C22orf39: variants seen among roughly 807,000 people sequenced by gnomAD.
C22orf39 encodes the protein chromosome 22 open reading frame 39.
A neutral mutation model predicts 18.3 loss-of-function variants in C22orf39; 20 were observed. The observed-to-expected ratio is 1.09, with a 90% confidence interval of 0.77 to 1.59. The LOEUF is 1.59. Ranked by LOEUF, C22orf39 falls within the 40% of genes most tolerant of loss-of-function variation. C22orf39 has a pLI of 0.00. For synonymous variants in C22orf39, 63 were observed against 59.6 expected, an observed-to-expected ratio of 1.06 and a Z score of -0.26; for missense variants, 195 against 156.1, an observed-to-expected ratio of 1.25 and a Z score of -1.33.
At chr22:19,445,662 C>T (rs1008911182) in intron 2 of C22orf39, among the ~76,000 whole-genome samples, 1 of 152,044 alleles carries the variant, frequency 6.6e-6, no homozygotes, top group African/African-American at 2.4e-5. Flanking sequence ...TACCTGACAC[C>T]TGGCCATTTG....
rs2089624991 is a variant in C22orf39 at position 19,443,610 on chromosome 22, A to G, written c.*655T>C. 1 of 985,246 alleles carries G rather than the reference A, an allele frequency of 1.0e-6. No individual in the cohort carries two copies. The highest frequency in any genetic ancestry group is 1.7e-5 in the African/African-American group (1 of 57,180). The allele number at this position is 985,246 out of a possible 1,614,324, so 61.0% of individuals were successfully genotyped here. ...TGGATTTCTTCAGCTGAGTCCACAA[A>G]CCCTCTTTATGCAAGGTTGTGTGTT... On this transcript the variant is annotated 3_prime_UTR_variant, in exon 3 of 3. Coordinates refer to ENST00000399562, the MANE Select transcript of C22orf39 (RefSeq NM_173793.5).
chr22:19,445,357 T>C (rs2089634305), intron 2 of C22orf39, among the ~76,000 whole-genome samples: 1 of 152,246 alleles, frequency 6.6e-6, no homozygotes, highest in South Asian at 2.1e-4. Flanking sequence ...GGCTATCTGG[T>C]ATTTCACTTT....
Position 19,443,076 on chromosome 22 carries a change from A to T in C22orf39, c.*1189T>A. On this transcript the variant is annotated 3_prime_UTR_variant, in exon 3 of 3. Transcript: ENST00000399562. ...CTCCTGCTCTTGGGATCCCGTGAGC[A>T]CAACCCCCACCCCCACCCCCACTGT... 5 of 554,130 alleles carry T rather than the reference A, an allele frequency of 9.0e-6. No homozygotes were observed. Among genetic ancestry groups the T allele is most frequent in the Non-Finnish European group, 1.1e-5 (5 of 437,428 alleles). The allele number at this position is 554,130 out of a possible 1,614,324, so 34.3% of individuals were successfully genotyped here.
rs754208921 is a variant in C22orf39 at position 19,447,698 on chromosome 22, A to G, written c.-10T>C. ...CGCTGCCGTCCGCCATGTCTGGGCG[A>G]CCGGCGCGCCAAGCCCGCCCCTCAG... On this transcript the variant is annotated 5_prime_UTR_variant, in exon 1 of 3. Coordinates refer to ENST00000399562, the MANE Select transcript of C22orf39 (RefSeq NM_173793.5). The G allele has an allele frequency of 6.2e-7, 1 of 1,608,358 alleles. No homozygotes were observed. The highest frequency in any genetic ancestry group is 1.1e-5 in the South Asian group (1 of 90,244).
Position 19,443,794 on chromosome 22 carries a change from GCA to G in C22orf39, c.*469_*470del, listed in dbSNP as rs1021720578. ...ACTGAGCGAGTGGAGCAGAGTGTGAGCACTCACAATGCTCACCAAACCTGGGA... is the reference window on the plus strand; with the variant it reads ...ACTGAGCGAGTGGAGCAGAGTGTGAGCTCACAATGCTCACCAAACCTGGGA... On this transcript the variant is annotated 3_prime_UTR_variant, in exon 3 of 3. Transcript: ENST00000399562. 4 of 984,882 alleles carry G rather than the reference GCA, an allele frequency of 4.1e-6. No individual in the cohort carries two copies. In the African/African-American group the frequency reaches 7.0e-5, roughly 17 times the overall value. 61.0% of individuals were successfully genotyped at this position (984,882 alleles called of 1,614,324 possible).
rs756648 is a variant in C22orf39, at chr22:19,443,962, G to A, written c.*303C>T. On this transcript the variant is annotated 3_prime_UTR_variant, in exon 3 of 3. Coordinates refer to ENST00000399562, the MANE Select transcript of C22orf39 (RefSeq NM_173793.5). ...CCTGAGAAGCCTAGACCTCAGGACC[G>A]CCATCTCCTATGCTACCATGCCCAG... 0.71 allele frequency: 796,008 copies of A among 1,113,332 alleles called. 286,475 individuals carry two copies. Among genetic ancestry groups the A allele is most frequent in the Non-Finnish European group, 0.73 (666,609 of 912,458 alleles). The allele number at this position is 1,113,332 out of a possible 1,614,324, so 69.0% of individuals were successfully genotyped here.
Position 19,447,405 on chromosome 22 carries a change from C to G in C22orf39, c.165G>C (p.Trp55Cys), listed in dbSNP as rs1311462134. The change falls in exon 2 of 3, where the codon TGG becomes TGC. Residue 55 changes from tryptophan (W) to cysteine (C), a missense_variant. Coordinates refer to ENST00000399562, the MANE Select transcript of C22orf39 (RefSeq NM_173793.5). The stretch of plus-strand genomic sequence containing the variant: ...GGGCCTCGGCGTTCCGGCGCTCCTC[C>G]CAGTCGCGGCAGCTGGCCAGGTCGC... ...WQRDLASCRD[W>C]EERRNAEAQQ... 1 of 1,505,688 alleles carries G rather than the reference C, an allele frequency of 6.6e-7. No individual in the cohort carries two copies. The highest frequency in any genetic ancestry group is 1.4e-5 in the African/African-American group (1 of 69,216). 93.3% of individuals were successfully genotyped at this position (1,505,688 alleles called of 1,614,324 possible).
At position 19,444,277 on chromosome 22, in the gene C22orf39, C is replaced by G. The variant is rs746788815; in HGVS notation, c.306G>C (p.Glu102Asp). ...GCAGGGATGCTTGTCACTCGTCCTT[C>G]TCCTGTGGCAGAGGGAGATGCCAGT... ...PPDWHLPLPQ[E>D]KDE is the part of the protein sequence containing the mutation. Residue 102 changes from glutamate to aspartate, a missense_variant, in exon 3 of 3, where the codon GAG (glutamate) becomes GAC (aspartate). Physicochemically the swap from Glu to Asp is conservative, Grantham distance 45 (BLOSUM62 2). Transcript: ENST00000399562. The G allele has an allele frequency of 1.3e-6, 2 of 1,586,102 alleles. No individual in the cohort carries two copies. The highest frequency in any genetic ancestry group is 2.3e-5 in the East Asian group (1 of 43,422).
Position 19,441,708 on chromosome 22 carries a change from T to A in C22orf39, c.*2557A>T, listed in dbSNP as rs200847210. 6.5e-7 allele frequency: 1 copy of A among 1,549,808 alleles called. No homozygotes were observed. The highest frequency in any genetic ancestry group is 2.0e-5 in the Admixed American group (1 of 50,658). Reference sequence around the variant, plus strand: ...CACACTTAGCACCTGTCCAAAAAGTTTGAAAGATATTGCTCTTATTACAGT... The same window carrying A: ...CACACTTAGCACCTGTCCAAAAAGTATGAAAGATATTGCTCTTATTACAGT... On this transcript the variant is annotated 3_prime_UTR_variant, in exon 3 of 3. Coordinates refer to ENST00000399562, the MANE Select transcript of C22orf39 (RefSeq NM_173793.5).
In C22orf39 at chr22:19,443,032, G is replaced by A. The variant is rs527364465; in HGVS notation, c.*1233C>T. ...AGTACTCCCCTGATGATGGGGGAACGCTGGCTCCTCTTTAGATGCTCCTGC... is the reference window on the plus strand; with the variant it reads ...AGTACTCCCCTGATGATGGGGGAACACTGGCTCCTCTTTAGATGCTCCTGC... On this transcript the variant is annotated 3_prime_UTR_variant, in exon 3 of 3. Coordinates refer to ENST00000399562, the MANE Select transcript of C22orf39 (RefSeq NM_173793.5). 1.0e-5 allele frequency: 7 copies of A among 683,140 alleles called. No individual in the cohort carries two copies. Among genetic ancestry groups the A allele is most frequent in the South Asian group, 6.5e-5 (1 of 15,446 alleles). The allele number at this position is 683,140 out of a possible 1,614,324, so 42.3% of individuals were successfully genotyped here. A position where few individuals can be genotyped will look rare whatever the true frequency, so the allele number is the denominator to read the frequency against.
Position 19,447,683 on chromosome 22 carries a change from C to A in C22orf39, c.6G>T (p.Ala2=). 1 of 1,610,834 alleles carries A rather than the reference C, an allele frequency of 6.2e-7. No individual in the cohort carries two copies. Among genetic ancestry groups the A allele is most frequent in the Non-Finnish European group, 8.5e-7 (1 of 1,178,874 alleles). The change falls in exon 1 of 3, where the codon GCG becomes GCT. Residue 2 remains alanine (A), a synonymous_variant. Coordinates refer to ENST00000399562, the MANE Select transcript of C22orf39 (RefSeq NM_173793.5). ...CACTCACCTGCCAGCCGCTGCCGTC[C>A]GCCATGTCTGGGCGACCGGCGCGCC... M[A]DGSGWQPPRP...
At position 19,444,486 on chromosome 22, in the gene C22orf39, C is replaced by A. The variant is rs895199405; in HGVS notation, c.193-96G>T. The A allele has an allele frequency of 2.2e-6, 3 of 1,344,004 alleles. No homozygotes were observed. The East Asian group carries it at 7.5e-5, about 34-fold the overall frequency. 83.3% of individuals were successfully genotyped at this position (1,344,004 alleles called of 1,614,324 possible). The stretch of plus-strand genomic sequence containing the variant: ...CATCACCCTCTGAAACACAGATGGA[C>A]AGGCAGGGCCTATGGTACACACCAC... On this transcript the variant is annotated intron_variant, in intron 2 of 2. Coordinates refer to ENST00000399562, the MANE Select transcript of C22orf39 (RefSeq NM_173793.5).
chr22:19,441,735 TTTG>T lies in C22orf39; in HGVS notation c.*2527_*2529del, dbSNP rs772441966. 30 of 1,538,072 alleles carry T rather than the reference TTTG, an allele frequency of 2.0e-5. No homozygotes were observed. Among genetic ancestry groups the T allele is most frequent in the Non-Finnish European group, 2.4e-5 (27 of 1,141,254 alleles). On this transcript the variant is annotated 3_prime_UTR_variant, in exon 3 of 3. Transcript: ENST00000399562. ...GAAAGATATTGCTCTTATTACAGTATTTGTTTTCTTCATACCACCACCATAAAA... is the reference window on the plus strand; with the variant it reads ...GAAAGATATTGCTCTTATTACAGTATTTTTCTTCATACCACCACCATAAAA...
intron 2 of C22orf39, 135 bp downstream of exon 2, chr22:19,447,243 A>G: frequency 1.0e-6 from 1 of 989,980 alleles, no homozygotes; most frequent in Non-Finnish European, 1.4e-6. Context: ...CAATCTCTCA[A>G]AAGAAAGGAA....
At position 19,443,818 on chromosome 22, in the gene C22orf39, G is replaced by T; in HGVS notation, c.*447C>A. On this transcript the variant is annotated 3_prime_UTR_variant, in exon 3 of 3. Transcript: ENST00000399562. The stretch of plus-strand genomic sequence containing the variant: ...AGCACTCACAATGCTCACCAAACCT[G>T]GGACGTGGCAGGCAGTTTCCCAAGG... The T allele has an allele frequency of 1.0e-6, 1 of 985,458 alleles. No homozygotes were observed. Among genetic ancestry groups the T allele is most frequent in the African/African-American group, 1.8e-5 (1 of 57,124 alleles). 61.0% of individuals were successfully genotyped at this position (985,458 alleles called of 1,614,324 possible).
chr22:19,447,311 G>A, intron 2 of C22orf39, 67 bp downstream of exon 2: 1 of 1,376,040 alleles, frequency 7.3e-7, no homozygotes, highest in Non-Finnish European at 9.4e-7. Context: ...CATGGGGCGT[G>A]GAGGGGTGGG....
chr22:19,441,758 A>G lies in C22orf39; in HGVS notation c.*2507T>C. 1 of 1,506,172 alleles carries G rather than the reference A, an allele frequency of 6.6e-7. No individual in the cohort carries two copies. Among genetic ancestry groups the G allele is most frequent in the Non-Finnish European group, 8.9e-7 (1 of 1,125,424 alleles). 93.3% of individuals were successfully genotyped at this position (1,506,172 alleles called of 1,614,324 possible). A position where few individuals can be genotyped will look rare whatever the true frequency, so the allele number is the denominator to read the frequency against. ...TATTTGTTTTCTTCATACCACCACC[A>G]TAAAATACCAAACTGCTTCAGAAAT... On this transcript the variant is annotated 3_prime_UTR_variant, in exon 3 of 3. Coordinates refer to ENST00000399562, the MANE Select transcript of C22orf39 (RefSeq NM_173793.5).
Position 19,447,399 on chromosome 22 carries a change from C to T in C22orf39, c.171G>A (p.Glu57=). ...GCACCTGGGCCTCGGCGTTCCGGCGCTCCTCCCAGTCGCGGCAGCTGGCCA... is the reference window on the plus strand; with the variant it reads ...GCACCTGGGCCTCGGCGTTCCGGCGTTCCTCCCAGTCGCGGCAGCTGGCCA... The part of the protein sequence containing the change: ...RDLASCRDWE[E]RRNAEAQQSL... Residue 57 remains glutamate (E), a synonymous_variant, in exon 2 of 3, where the codon GAG becomes GAA. Transcript: ENST00000399562. 1.3e-6 allele frequency: 2 copies of T among 1,504,558 alleles called. No homozygotes were observed. Among genetic ancestry groups the T allele is most frequent in the African/African-American group, 2.9e-5 (2 of 69,172 alleles). The allele number at this position is 1,504,558 out of a possible 1,614,324, so 93.2% of individuals were successfully genotyped here.
rs1353119007 is a variant in C22orf39, at chr22:19,441,309, T to A, written c.*2956A>T. On this transcript the variant is annotated 3_prime_UTR_variant, in exon 3 of 3. Coordinates refer to ENST00000399562, the MANE Select transcript of C22orf39 (RefSeq NM_173793.5). ...AAATGGAATCCTGCTACATGTATGT[T>A]TTCAAGATTGGCTGTTTTTGCTCTG... 4.0e-6 allele frequency: 1 copy of A among 251,606 alleles called. No individual in the cohort carries two copies. The highest frequency in any genetic ancestry group is 7.5e-6 in the Non-Finnish European group (1 of 133,140). The allele number at this position is 251,606 out of a possible 1,614,324, so 15.6% of individuals were successfully genotyped here. A position where few individuals can be genotyped will look rare whatever the true frequency, so the allele number is the denominator to read the frequency against.
Sources: allele counts gnomAD v4.1 joint callset (sites outside exome capture counted in the v4.1 genomes callset), GRCh38; gene constraint gnomAD v4.1.1; transcripts MANE v1.5; gene names NCBI Gene and HGNC (gene_info 2026-07-23, HGNC 2026-07-21).